Variants in CPEB3 observed in about 807,000 individuals in gnomAD.
The protein encoded by CPEB3 is cytoplasmic polyadenylation element-binding protein 3.
Under a neutral mutation model 67.2 loss-of-function variants are expected in CPEB3, and 20 were observed. The ratio of observed to expected loss-of-function variants is 0.30; its 90% CI spans 0.21 to 0.43. The LOEUF is 0.43. CPEB3 is among the 20% of genes least tolerant of loss of function. The pLI, the probability that CPEB3 is intolerant of heterozygous loss-of-function variation, is 1.00. For missense variants in CPEB3, 746 were observed against 968.6 expected, an observed-to-expected ratio of 0.77 and a Z score of 3.05; for synonymous variants, 376 against 393.1, an observed-to-expected ratio of 0.96 and a Z score of 0.51.
chr10:92,151,237 GAGCTCCCACCA>G (rs1363011035), intron 4 of CPEB3, among the ~76,000 whole-genome samples: 2 of 152,160 alleles, frequency 1.3e-5, no homozygotes, highest in Admixed American at 1.3e-4. Context: ...CCTCACCTCT[GAGCTCCCACCA>G]AGGCCTCTGC....
At chr10:92,063,997 G>A (rs959778068) in intron 9 of CPEB3, among the ~76,000 whole-genome samples, 1 of 151,954 alleles carries the variant, frequency 6.6e-6, no homozygotes, top group Non-Finnish European at 1.5e-5. Context: ...AAAAAAGAAA[G>A]AAAGAAAAAA....
chr10:92,087,837 G>A (rs1047299007), intron 8 of CPEB3, among the ~76,000 whole-genome samples: 2 of 152,180 alleles, frequency 1.3e-5, no homozygotes, highest in African/African-American at 2.4e-5. Flanking sequence ...GAGTGGCAAC[G>A]TGTTGTACTT....
chr10:92,272,879 T>C (rs1344534724), intron 1 of CPEB3, among the ~76,000 whole-genome samples: 1 of 152,162 alleles, frequency 6.6e-6, no homozygotes. Context: ...GGGTAGTCAA[T>C]GGAGCAGAGT....
chr10:92,089,504 C>T (rs1275306306), intron 8 of CPEB3, among the ~76,000 whole-genome samples: 3 of 152,172 alleles, frequency 2.0e-5, no homozygotes, highest in East Asian at 1.9e-4. Context: ...AAGAGAACTT[C>T]GGCTGGGCAC....
chr10:92,205,208 C>T (rs1249389391), intron 2 of CPEB3, among the ~76,000 whole-genome samples: 8 of 152,172 alleles, frequency 5.3e-5, no homozygotes, highest in Non-Finnish European at 1.2e-4. Flanking sequence ...CTATCCCTGA[C>T]AAAGTAATGC....
At chr10:92,277,762 G>C (rs990784428) in intron 1 of CPEB3, among the ~76,000 whole-genome samples, 1 of 151,958 alleles carries the variant, frequency 6.6e-6, no homozygotes, top group African/African-American at 2.4e-5. Flanking sequence ...ATGGTGGCAG[G>C]TGCATGTAGT....
At chr10:92,142,943 T>C in intron 6 of CPEB3, 86 bp downstream of exon 6, 1 of 859,748 alleles carries the variant, frequency 1.2e-6, no homozygotes, top group Admixed American at 2.4e-5. Context: ...TCAACAGCTA[T>C]TTCAAGAGTT....
chr10:92,072,106 G>A (rs1224146845), intron 9 of CPEB3, among the ~76,000 whole-genome samples: 1 of 151,866 alleles, frequency 6.6e-6, no homozygotes, highest in Non-Finnish European at 1.5e-5. Context: ...TTTCAGTATC[G>A]AAAAGATACT....
chr10:92,057,516 G>T (rs914561558), intron 9 of CPEB3, among the ~76,000 whole-genome samples: 10 of 152,360 alleles, frequency 6.6e-5, no homozygotes, highest in Admixed American at 6.5e-4. Context: ...CCAGAGGCTT[G>T]GGGAATCTCG....
At chr10:92,197,308 C>T (rs1849288551) in intron 2 of CPEB3, among the ~76,000 whole-genome samples, 1 of 151,960 alleles carries the variant, frequency 6.6e-6, no homozygotes, top group Non-Finnish European at 1.5e-5. Context: ...AAGTAGTAAA[C>T]GTTGCTGAAA....
At chr10:92,172,835 C>T (rs1046408287) in intron 4 of CPEB3, among the ~76,000 whole-genome samples, 12 of 152,152 alleles carry the variant, frequency 7.9e-5, no homozygotes, top group African/African-American at 2.9e-4. Context: ...CCATAGTAAG[C>T]ATTACAAAAG....
chr10:92,266,276 C>G (rs1189420345), intron 1 of CPEB3, among the ~76,000 whole-genome samples: 1 of 152,190 alleles, frequency 6.6e-6, no homozygotes, highest in Admixed American at 6.5e-5. Context: ...ACATCCCACT[C>G]TAAACAACCC....
chr10:92,257,207 C>T (rs1268001389), intron 1 of CPEB3, among the ~76,000 whole-genome samples: 1 of 152,220 alleles, frequency 6.6e-6, no homozygotes, highest in Admixed American at 6.5e-5. Flanking sequence ...CACTATTTTC[C>T]AAACTGACTG....
intron 4 of CPEB3, among the ~76,000 whole-genome samples, chr10:92,163,479 C>T (rs1357054938): frequency 2.0e-5 from 3 of 152,150 alleles, no homozygotes; most frequent in Non-Finnish European, 4.4e-5. Context: ...CACCTTGCAA[C>T]TTATTTTTTG....
At chr10:92,164,755 T>C (rs964550732) in intron 4 of CPEB3, among the ~76,000 whole-genome samples, 1 of 152,226 alleles carries the variant, frequency 6.6e-6, no homozygotes, top group Non-Finnish European at 1.5e-5. Flanking sequence ...TTCAAATCTA[T>C]AAAGACCTTG....
chr10:92,096,126 C>T (rs531843119), intron 7 of CPEB3, among the ~76,000 whole-genome samples: 2 of 151,382 alleles, frequency 1.3e-5, no homozygotes, highest in Admixed American at 6.6e-5. Flanking sequence ...CTACCTGCCT[C>T]GGCCTCCCAA....
intron 1 of CPEB3, among the ~76,000 whole-genome samples, chr10:92,276,671 A>G (rs1427953131): frequency 1.3e-5 from 2 of 152,220 alleles, no homozygotes; most frequent in South Asian, 2.1e-4. Context: ...GTGTTTGTGT[A>G]GGCATATGTT....
At chr10:92,100,922 T>C (rs1844156457) in intron 7 of CPEB3, among the ~76,000 whole-genome samples, 2 of 152,100 alleles carry the variant, frequency 1.3e-5, no homozygotes, top group African/African-American at 4.8e-5. Context: ...CCTCAAGACT[T>C]CAAATTTCTC....
intron 7 of CPEB3, among the ~76,000 whole-genome samples, chr10:92,096,356 A>C (rs1843878936): frequency 6.6e-6 from 1 of 152,142 alleles, no homozygotes; most frequent in African/African-American, 2.4e-5. Context: ...TTGAGCATCC[A>C]TGGATTTTGG....
Sources: gnomAD v4.1 joint callset for allele counts (sites outside exome capture counted in the v4.1 genomes callset) on GRCh38, gnomAD v4.1.1 for gene constraint, MANE v1.5 for transcripts, NCBI Gene and HGNC (gene_info 2026-07-23, HGNC 2026-07-21) for gene names.